Variants in PGCKA1 observed in about 807,000 individuals in gnomAD.
PGCKA1 encodes PDCD10 and GCKIII kinases associated 1.
At chr4:37,567,999 A>G in the PGCKA1 span, among the ~76,000 whole-genome samples, 3 of 146,784 alleles carry the variant, frequency 2.0e-5, no homozygotes, top group Non-Finnish European at 4.7e-5. Context: ...TGTAATAACA[A>G]CAAAAAAAAC....
chr4:37,524,547 G>A, the PGCKA1 span, among the ~76,000 whole-genome samples: 76,389 of 152,074 alleles, frequency 0.5, 20,058 homozygotes, highest in African/African-American at 0.64. Context: ...AACCTGCCTT[G>A]AGAATATCAC....
the PGCKA1 span, among the ~76,000 whole-genome samples, chr4:37,537,026 A>T: frequency 6.6e-6 from 1 of 152,358 alleles, no homozygotes; most frequent in African/African-American, 2.4e-5. Flanking sequence ...AAGAAAAGAC[A>T]GGCCCGGAAG....
chr4:37,518,340 C>G, the PGCKA1 span, among the ~76,000 whole-genome samples: 1 of 152,146 alleles, frequency 6.6e-6, no homozygotes, highest in South Asian at 2.1e-4. Flanking sequence ...CATTGAGGAA[C>G]CTCCAAACCA....
the PGCKA1 span, chr4:37,453,963 G>C: frequency 6.4e-6 from 1 of 156,172 alleles, no homozygotes; most frequent in African/African-American, 2.4e-5. Context: ...AGCGTCTCCC[G>C]GCGCGGCTGC....
the PGCKA1 span, among the ~76,000 whole-genome samples, chr4:37,509,406 G>A: frequency 2.4e-4 from 32 of 135,750 alleles, no homozygotes; most frequent in South Asian, 4.3e-3. Flanking sequence ...CAGACGGGGC[G>A]GCAGGGCAGA....
chr4:37,532,902 T>C, the PGCKA1 span, among the ~76,000 whole-genome samples: 1 of 105,108 alleles, frequency 9.5e-6, no homozygotes, highest in Non-Finnish European at 2.2e-5. Context: ...AGTGTGTGTA[T>C]GTACTATGTT....
At chr4:37,530,586 A>G in the PGCKA1 span, among the ~76,000 whole-genome samples, 1 of 151,600 alleles carries the variant, frequency 6.6e-6, no homozygotes, top group African/African-American at 2.4e-5. Flanking sequence ...AAAAAAAAAA[A>G]AAAAAAAAAA....
At chr4:37,476,791 AT>A in the PGCKA1 span, among the ~76,000 whole-genome samples, 1 of 152,346 alleles carries the variant, frequency 6.6e-6, no homozygotes, top group South Asian at 2.1e-4. Flanking sequence ...CATGTTAAAA[AT>A]AATGAATTTT....
the PGCKA1 span, among the ~76,000 whole-genome samples, chr4:37,524,122 A>C: frequency 6.6e-6 from 1 of 152,202 alleles, no homozygotes; most frequent in South Asian, 2.1e-4. Context: ...TCTTTTAAAC[A>C]CTTTGTATTA....
At chr4:37,573,163 G>C in the PGCKA1 span, among the ~76,000 whole-genome samples, 1 of 152,108 alleles carries the variant, frequency 6.6e-6, no homozygotes, top group Non-Finnish European at 1.5e-5. Flanking sequence ...GTACGTGTTT[G>C]CATTTTTTGA....
the PGCKA1 span, among the ~76,000 whole-genome samples, chr4:37,568,704 G>A: frequency 6.6e-6 from 1 of 152,226 alleles, no homozygotes; most frequent in Non-Finnish European, 1.5e-5. Flanking sequence ...CCCACGTGCA[G>A]CACGGAAGTA....
the PGCKA1 span, among the ~76,000 whole-genome samples, chr4:37,501,404 T>A: frequency 6.6e-6 from 1 of 151,876 alleles, no homozygotes; most frequent in African/African-American, 2.4e-5. Flanking sequence ...GGGATCTAGG[T>A]TGTGTGCTCC....
At chr4:37,476,765 A>G in the PGCKA1 span, among the ~76,000 whole-genome samples, 1 of 152,238 alleles carries the variant, frequency 6.6e-6, no homozygotes, top group Non-Finnish European at 1.5e-5. Context: ...TGTATTAAAA[A>G]TAATTTTTAA....
chr4:37,583,561 C>T, the PGCKA1 span, among the ~76,000 whole-genome samples: 4 of 152,106 alleles, frequency 2.6e-5, no homozygotes, highest in East Asian at 1.9e-4. Context: ...CTCAGCCTCC[C>T]GAGTAGCTGG....
the PGCKA1 span, among the ~76,000 whole-genome samples, chr4:37,493,498 C>T: frequency 6.6e-6 from 1 of 152,142 alleles, no homozygotes; most frequent in African/African-American, 2.4e-5. Context: ...TTGTAACCCT[C>T]TCCCCTTTCC....
the PGCKA1 span, among the ~76,000 whole-genome samples, chr4:37,538,000 C>A: frequency 6.6e-6 from 1 of 152,038 alleles, no homozygotes. Flanking sequence ...TCTTCACCGT[C>A]ATCACCATCA....
chr4:37,567,650 A>ATC, the PGCKA1 span, among the ~76,000 whole-genome samples: 13 of 150,926 alleles, frequency 8.6e-5, no homozygotes, highest in Admixed American at 6.6e-4. Context: ...ACCAGAATCA[A>ATC]TCTCTCTCTC....
chr4:37,522,971 T>G, the PGCKA1 span, among the ~76,000 whole-genome samples: 4 of 152,184 alleles, frequency 2.6e-5, no homozygotes, highest in East Asian at 7.7e-4. Context: ...ATGCCAGCAC[T>G]CCCTTAGTCA....
chr4:37,574,794 C>G, the PGCKA1 span, among the ~76,000 whole-genome samples: 1 of 151,710 alleles, frequency 6.6e-6, no homozygotes, highest in African/African-American at 2.4e-5. Flanking sequence ...AACCATCTAT[C>G]TACTCTCTAT....
Sources: gnomAD v4.1 joint callset for allele counts (sites outside exome capture counted in the v4.1 genomes callset) on GRCh38, gnomAD v4.1.1 for gene constraint, MANE v1.5 for transcripts, NCBI Gene and HGNC (gene_info 2026-07-23, HGNC 2026-07-21) for gene names.